The following ROBO2 variants were observed in gnomAD, a reference collection of about 807,000 sequenced individuals.
ROBO2 encodes roundabout homolog 2.
In ROBO2, 53 loss-of-function variants were observed where a neutral mutation model predicts 160.8. That is an observed-to-expected ratio of 0.33 (90% CI 0.26 to 0.41). The LOEUF is 0.41. ROBO2 is among the 10% of genes least tolerant of loss of function. ROBO2 has a pLI of 1.00. For missense variants in ROBO2, 1,577 were observed against 1,722.4 expected, an observed-to-expected ratio of 0.92 and a Z score of 1.49; for synonymous variants, 664 against 611.7, an observed-to-expected ratio of 1.09 and a Z score of -1.26.
intron 2 of ROBO2, among the ~76,000 whole-genome samples, chr3:76,588,768 T>G (rs1482767772): frequency 6.6e-6 from 1 of 152,210 alleles, no homozygotes; most frequent in East Asian, 1.9e-4. Context: ...TACCTAGAAT[T>G]GCTAATAGCA....
intron 2 of ROBO2, among the ~76,000 whole-genome samples, chr3:76,462,168 G>C (rs529125471): frequency 6.6e-6 from 1 of 152,236 alleles, no homozygotes; most frequent in Admixed American, 6.5e-5. Flanking sequence ...AAGACTATTA[G>C]GAGAAATAAG....
chr3:77,508,461 T>C (rs906912724), intron 5 of ROBO2, among the ~76,000 whole-genome samples: 1 of 148,392 alleles, frequency 6.7e-6, no homozygotes, highest in Admixed American at 6.8e-5. Flanking sequence ...AAGATAAATA[T>C]ATACATATTA....
intron 2 of ROBO2, among the ~76,000 whole-genome samples, chr3:76,908,758 T>C (rs902241250): frequency 1.3e-5 from 2 of 152,224 alleles, no homozygotes; most frequent in South Asian, 4.1e-4. Flanking sequence ...GTTATTCTAC[T>C]ATTTCATATA....
intron 2 of ROBO2, among the ~76,000 whole-genome samples, chr3:77,021,582 A>G (rs893079148): frequency 1.3e-5 from 2 of 151,960 alleles, no homozygotes; most frequent in African/African-American, 4.8e-5. Flanking sequence ...ATAGTTACAC[A>G]GGAAGGCCAA....
At chr3:77,229,418 C>T (rs2086883902) in intron 2 of ROBO2, among the ~76,000 whole-genome samples, 1 of 151,802 alleles carries the variant, frequency 6.6e-6, no homozygotes, top group Admixed American at 6.6e-5. Flanking sequence ...TGTGGTGGCT[C>T]ATGCCTGTAA....
chr3:76,131,374 C>T lies in ROBO2; in HGVS notation c.109+193772C>T, dbSNP rs145338457. ...TAGGCTGTTTCCTTTAGAAACTTAACGGATGCTTTACATGTTACGACTGTT... is the reference window on the plus strand; with the variant it reads ...TAGGCTGTTTCCTTTAGAAACTTAATGGATGCTTTACATGTTACGACTGTT... On this transcript the variant is annotated intron_variant, in intron 2 of 26. Coordinates refer to the ROBO2 transcript ENST00000487694. Among the ~76,000 whole-genome samples, 415 of 152,120 alleles carry T rather than the reference C, an allele frequency of 2.7e-3. 4 individuals are homozygous for T. Among genetic ancestry groups the T allele is most frequent in the Non-Finnish European group, 4.1e-3 (282 of 68,012 alleles).
chr3:76,322,818 T>C (rs778453157), intron 2 of ROBO2, among the ~76,000 whole-genome samples: 46 of 152,274 alleles, frequency 3.0e-4, no homozygotes, highest in Non-Finnish European at 5.1e-4. Flanking sequence ...ACAGCAACCT[T>C]CTTATCCATA....
At chr3:76,639,995 T>C (rs988299678) in intron 2 of ROBO2, among the ~76,000 whole-genome samples, 1 of 152,222 alleles carries the variant, frequency 6.6e-6, no homozygotes, top group Non-Finnish European at 1.5e-5. Context: ...AATCTATTTT[T>C]ACGGGGTTAT....
chr3:76,345,441 C>CT (rs5850253), intron 2 of ROBO2, among the ~76,000 whole-genome samples: 4,676 of 133,222 alleles, frequency 0.035, 267 homozygotes, highest in African/African-American at 0.12. Flanking sequence ...TCTTTTCTTT[C>CT]TTTTTTTTTT....
intron 2 of ROBO2, among the ~76,000 whole-genome samples, chr3:76,583,023 A>G (rs1306452841): frequency 1.3e-5 from 2 of 151,786 alleles, no homozygotes; most frequent in African/African-American, 4.8e-5. Flanking sequence ...AAAAAAAAAA[A>G]AGCAAGAGAG....
intron 2 of ROBO2, among the ~76,000 whole-genome samples, chr3:76,132,099 G>A (rs1156885569): frequency 6.6e-6 from 1 of 152,070 alleles, no homozygotes; most frequent in South Asian, 2.1e-4. Flanking sequence ...TCAGTGTATG[G>A]TCATACTCGT....
rs142813852 is a variant in ROBO2 at position 76,333,350 on chromosome 3, C to T, written c.109+395748C>T. Among the ~76,000 whole-genome samples the T allele has an allele frequency of 3.4e-3, 519 of 152,258 alleles. 6 individuals carry two copies. The highest frequency in any genetic ancestry group is 0.024 in the Admixed American group (370 of 15,296). On this transcript the variant is annotated intron_variant, in intron 2 of 26. Transcript: ENST00000487694. The stretch of plus-strand genomic sequence containing the variant: ...ACTCTCTTTCCCTTCTGCAAGTGTA[C>T]GCAGCGTAAAGTCATGATTCTCACT...
intron 2 of ROBO2, among the ~76,000 whole-genome samples, chr3:77,417,373 G>A (rs1186611089): frequency 6.6e-6 from 1 of 152,006 alleles, no homozygotes; most frequent in Non-Finnish European, 1.5e-5. Flanking sequence ...AGGATGGTTA[G>A]GAGGATGTGA....
chr3:77,546,555 T>C (rs1252868938), intron 7 of ROBO2, 93 bp downstream of exon 8: 2 of 1,471,198 alleles, frequency 1.4e-6, no homozygotes, highest in African/African-American at 1.4e-5. Flanking sequence ...TTGTTCTCAA[T>C]GTTTGAATTT....
At chr3:76,198,468 A>G (rs1253304141) in intron 2 of ROBO2, among the ~76,000 whole-genome samples, 2 of 152,184 alleles carry the variant, frequency 1.3e-5, no homozygotes, top group Admixed American at 6.5e-5. Flanking sequence ...AAATTACTGC[A>G]TGAAAGAAAT....
At chr3:76,248,342 G>T (rs1355579379) in intron 2 of ROBO2, among the ~76,000 whole-genome samples, 2 of 151,822 alleles carry the variant, frequency 1.3e-5, no homozygotes, top group Non-Finnish European at 2.9e-5. Flanking sequence ...TCCTTTGTAG[G>T]GACATGGATG....
chr3:77,177,371 G>GT (rs1414305793), intron 2 of ROBO2, among the ~76,000 whole-genome samples: 1 of 151,892 alleles, frequency 6.6e-6, no homozygotes, highest in African/African-American at 2.4e-5. Flanking sequence ...CTCAGCATCT[G>GT]TGAGAGATTG....
rs1242427382 is a variant in ROBO2 at position 76,145,570 on chromosome 3, AC to A, written c.109+207970del. Among the ~76,000 whole-genome samples the A allele has an allele frequency of 2.6e-5, 4 of 152,178 alleles. No homozygotes were observed. The East Asian group carries it at 5.8e-4, about 22-fold the overall frequency. ...AAAAGAGAAATTACTAGACTATTAT[AC>A]CATAACATTTTATACATTAAACAAG... On this transcript the variant is annotated intron_variant, in intron 2 of 26. Transcript: ENST00000487694.
chr3:77,372,834 A>G (rs987375278), intron 2 of ROBO2, among the ~76,000 whole-genome samples: 2 of 152,002 alleles, frequency 1.3e-5, no homozygotes, highest in Non-Finnish European at 2.9e-5. Flanking sequence ...CTTTATTACT[A>G]CAAGATTTCT....
Sources: gnomAD v4.1 joint callset for allele counts (sites outside exome capture counted in the v4.1 genomes callset) on GRCh38, gnomAD v4.1.1 for gene constraint, MANE v1.5 for transcripts, NCBI Gene and HGNC (gene_info 2026-07-23, HGNC 2026-07-21) for gene names.